Variants in SPEF2 observed in about 807,000 individuals in gnomAD.
The protein encoded by SPEF2 is sperm flagellar and cilia associated 2.
Under a neutral mutation model 224.6 loss-of-function variants are expected in SPEF2, and 187 were observed. The ratio of observed to expected loss-of-function variants is 0.83; its 90% CI spans 0.74 to 0.94. The LOEUF (loss-of-function observed/expected upper bound fraction) is 0.94, where lower values mean the gene tolerates loss of function less well. SPEF2 is among the 40% of genes least tolerant of loss of function. SPEF2 has a pLI of 0.00. For missense variants in SPEF2, 2,170 were observed against 2,135.6 expected, an observed-to-expected ratio of 1.02 and a Z score of -0.32; for synonymous variants, 715 against 707.3, an observed-to-expected ratio of 1.01 and a Z score of -0.17.
rs374573342 is a variant in SPEF2 at position 35,793,727 on chromosome 5, A to AAC, written c.4737+426_4737+427dup. Among the ~76,000 whole-genome samples, 747 of 100,870 alleles carry AAC rather than the reference A, an allele frequency of 7.4e-3. 6 individuals are homozygous for AAC. Among genetic ancestry groups the AAC allele is most frequent in the African/African-American group, 0.019 (609 of 32,512 alleles). The allele number at this position is 100,870 out of a possible 152,430, so 66.2% of individuals were successfully genotyped here. A position where few individuals can be genotyped will look rare whatever the true frequency, so the allele number is the denominator to read the frequency against. ...CCAGCGTAGAAAGAACAGTGGTTAA[A>AAC]ACACACACACACACACACACACACA... On this transcript the variant is annotated intron_variant, in intron 32 of 36. Coordinates refer to ENST00000356031, the MANE Select transcript of SPEF2 (RefSeq NM_024867.4).
chr5:35,691,338 A>C (rs1345661707), intron 11 of SPEF2, 82 bp downstream of exon 11: 1 of 1,103,354 alleles, frequency 9.1e-7, no homozygotes, highest in Non-Finnish European at 1.3e-6. Context: ...TGTATAAAAA[A>C]CATACAAGAA....
At chr5:35,801,826 C>T (rs1283238385) in intron 34 of SPEF2, among the ~76,000 whole-genome samples, 1 of 152,168 alleles carries the variant, frequency 6.6e-6, no homozygotes, top group Non-Finnish European at 1.5e-5. Flanking sequence ...CTCTAAGCAC[C>T]CTGTGGACCA....
chr5:35,810,028 A>C (rs1219170132), intron 36 of SPEF2, among the ~76,000 whole-genome samples: 1 of 152,144 alleles, frequency 6.6e-6, no homozygotes, highest in Admixed American at 6.5e-5. Context: ...CTCCCACAAA[A>C]TCAGTATGAC....
intron 30 of SPEF2, among the ~76,000 whole-genome samples, chr5:35,782,120 C>T (rs1459545661): frequency 1.3e-5 from 2 of 152,192 alleles, no homozygotes; most frequent in Non-Finnish European, 2.9e-5. Flanking sequence ...GACACACACC[C>T]ATCCGTCTTT....
intron 12 of SPEF2, 102 bp from the exon 13 acceptor site, chr5:35,694,186 T>G: frequency 1.2e-6 from 1 of 823,948 alleles, no homozygotes; most frequent in Non-Finnish European, 1.9e-6. Context: ...ACAAAAAGTA[T>G]TGTATTTGTT....
chr5:35,800,514 C>G lies in SPEF2; in HGVS notation c.5010+367C>G, dbSNP rs537355973. Among the ~76,000 whole-genome samples the G allele has an allele frequency of 4.6e-5, 7 of 152,238 alleles. No homozygotes were observed. In the East Asian group the frequency reaches 9.7e-4, roughly 21 times the overall value. ...GTAGAAACTGTAGATGAAACAAGTT[C>G]AGGTCTACATGCACACCACATATAT... On this transcript the variant is annotated intron_variant, in intron 34 of 36. Transcript: ENST00000356031.
chr5:35,678,497 A>G (rs1349144701), intron 10 of SPEF2: 2 of 152,204 alleles, frequency 1.3e-5, no homozygotes, highest in African/African-American at 4.8e-5. Flanking sequence ...TGAAAAACAG[A>G]CACCCCTGCC....
intron 21 of SPEF2, among the ~76,000 whole-genome samples, chr5:35,733,836 T>C (rs564317178): frequency 6.6e-6 from 1 of 152,268 alleles, no homozygotes; most frequent in East Asian, 1.9e-4. Flanking sequence ...AAATCCCAGC[T>C]ATGTCACTCA....
chr5:35,796,591 G>A (rs1450530451), intron 33 of SPEF2, among the ~76,000 whole-genome samples: 3 of 129,010 alleles, frequency 2.3e-5, no homozygotes, highest in Admixed American at 8.4e-5. Context: ...AGGCCTGGGC[G>A]AAAGAGCGAG....
intron 20 of SPEF2, among the ~76,000 whole-genome samples, chr5:35,713,339 C>G (rs1741585513): frequency 6.6e-6 from 1 of 152,090 alleles, no homozygotes; most frequent in African/African-American, 2.4e-5. Context: ...TAAAGCAGAA[C>G]ATTTAATTTT....
intron 12 of SPEF2, among the ~76,000 whole-genome samples, chr5:35,693,946 T>C (rs570766833): frequency 1.3e-5 from 2 of 152,326 alleles, no homozygotes; most frequent in African/African-American, 2.4e-5. Context: ...ATCTCTAGGA[T>C]TGTTCAAGAT....
intron 10 of SPEF2, chr5:35,670,772 A>G (rs1751134064): frequency 3.0e-6 from 3 of 984,340 alleles, no homozygotes; most frequent in Admixed American, 6.2e-5. Flanking sequence ...CTAGAGCTAC[A>G]TTACTGAAAT....
intron 2 of SPEF2, among the ~76,000 whole-genome samples, chr5:35,636,497 C>T (rs1292814538): frequency 2.0e-5 from 3 of 152,034 alleles, no homozygotes; most frequent in African/African-American, 7.2e-5. Context: ...AAGTTTTTGG[C>T]CAGGCTCTTC....
chr5:35,682,299 C>G (rs1197847624), intron 10 of SPEF2, among the ~76,000 whole-genome samples: 1 of 151,980 alleles, frequency 6.6e-6, no homozygotes, highest in Non-Finnish European at 1.5e-5. Context: ...CCTTTGGCCA[C>G]TACAGCAAGA....
intron 15 of SPEF2, chr5:35,698,060 G>A (rs1755589914): frequency 4.4e-6 from 1 of 227,850 alleles, no homozygotes; most frequent in Non-Finnish European, 8.5e-6. Flanking sequence ...ATGAGAAATT[G>A]AGTAATTGGA....
In SPEF2 at chr5:35,806,844, T is replaced by C. The variant is rs1449917422; in HGVS notation, c.5148T>C (p.Asn1716=). ...AAGAAATCCCTGAAAATGCAAACAA[T>C]GAAAAGATGTCCATGGAAACACTAC... ...KDEEIPENAN[N]EKMSMETLLK... The change falls in exon 35 of 37, where the codon AAT becomes AAC. Residue 1716 remains asparagine, a synonymous_variant. Coordinates refer to ENST00000356031, the MANE Select transcript of SPEF2 (RefSeq NM_024867.4). 1.9e-6 allele frequency: 3 copies of C among 1,613,508 alleles called. No individual in the cohort carries two copies. The highest frequency in any genetic ancestry group is 4.5e-5 in the East Asian group (2 of 44,844).
chr5:35,666,609 GTATTA>G (rs1180302240), intron 8 of SPEF2, among the ~76,000 whole-genome samples: 1 of 152,124 alleles, frequency 6.6e-6, no homozygotes, highest in African/African-American at 2.4e-5. Flanking sequence ...GTATAAACCA[GTATTA>G]TAGAACTCTC....
chr5:35,760,424 T>G (rs1751103731), intron 25 of SPEF2, among the ~76,000 whole-genome samples: 1 of 151,802 alleles, frequency 6.6e-6, no homozygotes. Flanking sequence ...CAGGTGTGTG[T>G]GTGTACCTAT....
At chr5:35,736,309 C>T (rs1276139821) in intron 21 of SPEF2, among the ~76,000 whole-genome samples, 1 of 152,134 alleles carries the variant, frequency 6.6e-6, no homozygotes, top group African/African-American at 2.4e-5. Flanking sequence ...AGTTTGTTTT[C>T]ACAGTGCCAT....
Sources: allele counts gnomAD v4.1 joint callset (sites outside exome capture counted in the v4.1 genomes callset), GRCh38; gene constraint gnomAD v4.1.1; transcripts MANE v1.5; gene names NCBI Gene and HGNC (gene_info 2026-07-23, HGNC 2026-07-21).